Variants in CWF19L1 observed in about 807,000 individuals in gnomAD.
The protein encoded by CWF19L1 is CWF19-like protein 1.
CWF19L1 carries 60 observed loss-of-function variants against 69.7 expected under a neutral mutation model. The ratio of observed to expected loss-of-function variants is 0.86; its 90% CI spans 0.70 to 1.07. The LOEUF (loss-of-function observed/expected upper bound fraction) is 1.07, where lower values mean the gene tolerates loss of function less well. CWF19L1 is among the 50% of genes least tolerant of loss of function. The pLI, the probability that CWF19L1 is intolerant of heterozygous loss-of-function variation, is 0.00. For synonymous variants in CWF19L1, 209 were observed against 222.2 expected, an observed-to-expected ratio of 0.94 and a Z score of 0.53; for missense variants, 591 against 638.9, an observed-to-expected ratio of 0.92 and a Z score of 0.81.
chr10:100,258,998 C>T (rs1231813172), intron 4 of CWF19L1, among the ~76,000 whole-genome samples: 1 of 150,844 alleles, frequency 6.6e-6, no homozygotes, highest in Non-Finnish European at 1.5e-5. Flanking sequence ...GTCAGGAGAT[C>T]GAGACCATCC....
intron 10 of CWF19L1, among the ~76,000 whole-genome samples, chr10:100,238,545 G>A (rs979845607): frequency 3.3e-5 from 5 of 152,156 alleles, no homozygotes; most frequent in South Asian, 2.1e-4. Context: ...AGAACAAATC[G>A]CTGGGTTTTC....
chr10:100,237,156 A>T (rs866550779), intron 11 of CWF19L1, 187 bp from the exon 12 acceptor site: 2 of 769,116 alleles, frequency 2.6e-6, no homozygotes, highest in African/African-American at 3.4e-5. Flanking sequence ...ATAGCCTGAC[A>T]CATGTGGGAG....
intron 1 of CWF19L1, among the ~76,000 whole-genome samples, chr10:100,265,241 G>A (rs919798157): frequency 4.6e-5 from 7 of 151,984 alleles, no homozygotes; most frequent in Admixed American, 3.3e-4. Flanking sequence ...TCTTAGCTGT[G>A]TTATAACAAG....
chr10:100,245,469 T>C (rs1353685093), intron 9 of CWF19L1, among the ~76,000 whole-genome samples: 1 of 152,192 alleles, frequency 6.6e-6, no homozygotes, highest in South Asian at 2.1e-4. Flanking sequence ...CCAAGAAGTA[T>C]ATAAAAGCAT....
chr10:100,252,336 G>A (rs1047826350), intron 6 of CWF19L1, among the ~76,000 whole-genome samples: 1 of 152,090 alleles, frequency 6.6e-6, no homozygotes, highest in Non-Finnish European at 1.5e-5. Flanking sequence ...TCAGGAGGCT[G>A]AGGCAGGAGA....
intron 7 of CWF19L1, 54 bp downstream of exon 7, chr10:100,250,194 A>G (rs1481466639): frequency 2.1e-5 from 25 of 1,183,202 alleles, no homozygotes; most frequent in Non-Finnish European, 3.0e-5. Flanking sequence ...CAAGAGATAC[A>G]TTTATCAGGC....
At chr10:100,237,317 A>G (rs1389859222) in intron 11 of CWF19L1, 2 of 501,068 alleles carry the variant, frequency 4.0e-6, no homozygotes, top group South Asian at 3.0e-5. Context: ...ATGATTTACA[A>G]TCTGATTTTC....
intron 6 of CWF19L1, among the ~76,000 whole-genome samples, chr10:100,251,598 A>G (rs1589623976): frequency 2.3e-5 from 3 of 129,226 alleles, no homozygotes; most frequent in Admixed American, 1.0e-4. Flanking sequence ...TGCAAGCTCC[A>G]CCTCCCGGGT....
chr10:100,265,457 A>G (rs1002842360), intron 1 of CWF19L1, among the ~76,000 whole-genome samples: 2 of 150,058 alleles, frequency 1.3e-5, no homozygotes, highest in African/African-American at 5.0e-5. Context: ...TCCATTCATG[A>G]TAAGTGTCCT....
intron 1 of CWF19L1, among the ~76,000 whole-genome samples, chr10:100,265,069 C>T (rs141793956): frequency 0.012 from 1,763 of 150,224 alleles, 45 homozygotes; most frequent in African/African-American, 0.041. Flanking sequence ...TGCAGTGAGC[C>T]GTGATTGCAC....
intron 13 of CWF19L1, 43 bp from the exon 14 acceptor site, chr10:100,233,414 C>T: frequency 1.9e-6 from 3 of 1,592,080 alleles, no homozygotes; most frequent in Non-Finnish European, 2.6e-6. Flanking sequence ...AACTATCAGC[C>T]TGAGCTCTCC....
intron 9 of CWF19L1, 73 bp downstream of exon 9, chr10:100,245,726 T>C: frequency 8.9e-7 from 1 of 1,120,706 alleles, no homozygotes; most frequent in Non-Finnish European, 1.4e-6. Context: ...CTCTTAGCAA[T>C]GCTGCTTTCC....
chr10:100,242,920 TGA>T lies in CWF19L1; in HGVS notation c.1044+776_1044+777del, dbSNP rs561585460. ...ACCCCTAGAGAACCATACCTATTTA[TGA>T]GAGAGGAAAAGAGAGCTATCTTGTA... On this transcript the variant is annotated intron_variant, in intron 10 of 13. Coordinates refer to ENST00000354105, the MANE Select transcript of CWF19L1 (RefSeq NM_018294.6). 2.8e-3 allele frequency among the ~76,000 whole-genome samples: 424 copies of T among 152,224 alleles called. 2 individuals are homozygous for T. The highest frequency in any genetic ancestry group is 9.1e-3 in the African/African-American group (379 of 41,522).
At chr10:100,265,658 T>C (rs574650575) in intron 1 of CWF19L1, among the ~76,000 whole-genome samples, 64 of 152,144 alleles carry the variant, frequency 4.2e-4, no homozygotes, top group African/African-American at 1.5e-3. Flanking sequence ...GTAGCTGGGA[T>C]TACAGGCGCC....
intron 10 of CWF19L1, among the ~76,000 whole-genome samples, chr10:100,241,684 G>A (rs1846644994): frequency 6.6e-6 from 1 of 152,228 alleles, no homozygotes; most frequent in Admixed American, 6.5e-5. Context: ...CTGGCACCTG[G>A]CAATGGCCTT....
chr10:100,248,479 C>A, intron 7 of CWF19L1: 1 of 678,512 alleles, frequency 1.5e-6, no homozygotes, highest in South Asian at 1.6e-5. Context: ...TGTTCTTGAC[C>A]ATGTAATGTG....
chr10:100,237,983 C>T (rs759216694), intron 11 of CWF19L1, 39 bp downstream of exon 11: 87 of 1,574,732 alleles, frequency 5.5e-5, no homozygotes, highest in South Asian at 1.1e-4. Flanking sequence ...TCAAAGTCCC[C>T]ATAGCGCCCT....
chr10:100,235,327 T>A (rs1846398186), intron 13 of CWF19L1, among the ~76,000 whole-genome samples: 1 of 152,210 alleles, frequency 6.6e-6, no homozygotes, highest in Non-Finnish European at 1.5e-5. Flanking sequence ...CAATTAAAGT[T>A]CCCTAGCACT....
At chr10:100,235,909 A>C in intron 12 of CWF19L1, 145 bp from the exon 13 acceptor site, 1 of 617,478 alleles carries the variant, frequency 1.6e-6, no homozygotes, top group East Asian at 2.8e-5. Flanking sequence ...ACTTAGTGGA[A>C]CTAGGGCTTA....
Sources: gnomAD v4.1 joint callset for allele counts (sites outside exome capture counted in the v4.1 genomes callset) on GRCh38, gnomAD v4.1.1 for gene constraint, MANE v1.5 for transcripts, NCBI Gene and HGNC (gene_info 2026-07-23, HGNC 2026-07-21) for gene names.